FAM168A: variants seen among roughly 807,000 people sequenced by gnomAD.
FAM168A encodes the protein protein FAM168A.
FAM168A carries 3 observed loss-of-function variants against 28.5 expected under a neutral mutation model. The ratio of observed to expected loss-of-function variants is 0.11; its 90% CI spans 0.05 to 0.27. The LOEUF (loss-of-function observed/expected upper bound fraction) is 0.27, where lower values mean the gene tolerates loss of function less well. FAM168A is among the 10% of genes least tolerant of loss of function. FAM168A has a pLI of 1.00. For missense variants in FAM168A, 222 were observed against 311.5 expected, an observed-to-expected ratio of 0.71 and a Z score of 2.16; for synonymous variants, 122 against 124.2, an observed-to-expected ratio of 0.98 and a Z score of 0.12.
Position 73,508,509 on chromosome 11 carries a change from C to A in FAM168A, c.-18-40017G>T, listed in dbSNP as rs187366013. Among the ~76,000 whole-genome samples, 617 of 152,224 alleles carry A rather than the reference C, an allele frequency of 4.1e-3. 4 individuals are homozygous for A. Among genetic ancestry groups the A allele is most frequent in the Non-Finnish European group, 7.1e-3 (482 of 67,994 alleles). On this transcript the variant is annotated intron_variant, in intron 1 of 7. Coordinates refer to ENST00000356467, the MANE Select transcript of FAM168A (RefSeq NM_015159.3). ...CCACCAAGTCGGAACAAAATTGCTA[C>A]GTCTCCTACTTCTAGCCCTGCAGGT...
intron 3 of FAM168A, among the ~76,000 whole-genome samples, chr11:73,422,714 A>G (rs906853608): frequency 2.0e-5 from 3 of 152,260 alleles, no homozygotes; most frequent in African/African-American, 7.2e-5. Flanking sequence ...ATACATATGT[A>G]AAGACATTAT....
At chr11:73,458,183 C>A (rs943078798) in intron 2 of FAM168A, among the ~76,000 whole-genome samples, 1 of 152,134 alleles carries the variant, frequency 6.6e-6, no homozygotes, top group African/African-American at 2.4e-5. Flanking sequence ...TACAAATAAA[C>A]AACTTTTTGT....
intron 2 of FAM168A, among the ~76,000 whole-genome samples, chr11:73,460,305 T>A (rs904200677): frequency 6.6e-6 from 1 of 151,670 alleles, no homozygotes. Context: ...ATCACAGGAG[T>A]CTTTTCCTCA....
At chr11:73,494,778 T>C (rs1041507427) in intron 1 of FAM168A, among the ~76,000 whole-genome samples, 1 of 152,090 alleles carries the variant, frequency 6.6e-6, no homozygotes, top group Admixed American at 6.6e-5. Context: ...GGAGGGCGGA[T>C]TACTTGAAGT....
chr11:73,543,809 A>T (rs766348958), intron 1 of FAM168A, among the ~76,000 whole-genome samples: 12 of 152,144 alleles, frequency 7.9e-5, no homozygotes, highest in Non-Finnish European at 1.8e-4. Context: ...CATCTTAATA[A>T]AGAAGGATAT....
At chr11:73,433,615 T>A (rs1436146123) in intron 2 of FAM168A, among the ~76,000 whole-genome samples, 1 of 152,142 alleles carries the variant, frequency 6.6e-6, no homozygotes, top group Non-Finnish European at 1.5e-5. Flanking sequence ...ACTTTAACAT[T>A]ATAAACAATT....
chr11:73,575,867 CAA>C (rs11292947), intron 1 of FAM168A, among the ~76,000 whole-genome samples: 3 of 141,870 alleles, frequency 2.1e-5, no homozygotes, highest in Admixed American at 7.1e-5. Context: ...CAAACTATGT[CAA>C]AAAAAAAAAA....
chr11:73,490,977 G>A (rs1208657700), intron 1 of FAM168A, among the ~76,000 whole-genome samples: 1 of 152,134 alleles, frequency 6.6e-6, no homozygotes, highest in Non-Finnish European at 1.5e-5. Context: ...AATAATTTGA[G>A]AGGTGCCCCT....
intron 1 of FAM168A, among the ~76,000 whole-genome samples, chr11:73,522,381 G>A (rs187627628): frequency 1.1e-3 from 166 of 152,134 alleles, no homozygotes; most frequent in Admixed American, 2.3e-3. Flanking sequence ...GTGCAGTGGT[G>A]CGATCTCGGC....
chr11:73,451,630 T>C (rs115025250), intron 2 of FAM168A, among the ~76,000 whole-genome samples: 2,087 of 152,348 alleles, frequency 0.014, 44 homozygotes, highest in African/African-American at 0.045. Flanking sequence ...TTTCTATGTT[T>C]AGATACACAA....
chr11:73,504,253 G>A (rs189341555), intron 1 of FAM168A, among the ~76,000 whole-genome samples: 72 of 151,798 alleles, frequency 4.7e-4, no homozygotes, highest in Non-Finnish European at 8.2e-4. Context: ...GCAATCTACC[G>A]ATCTGATAAA....
intron 1 of FAM168A, among the ~76,000 whole-genome samples, chr11:73,560,391 G>A (rs1943944128): frequency 6.6e-6 from 1 of 152,080 alleles, no homozygotes; most frequent in Non-Finnish European, 1.5e-5. Flanking sequence ...GCTAAGGTGT[G>A]TGAAGATACC....
intron 2 of FAM168A, among the ~76,000 whole-genome samples, chr11:73,459,355 A>T: frequency 6.6e-6 from 1 of 151,812 alleles, no homozygotes; most frequent in East Asian, 2.0e-4. Context: ...GCGTGGTGGC[A>T]TGCGCCTATA....
intron 1 of FAM168A, among the ~76,000 whole-genome samples, chr11:73,485,152 A>C (rs1022262299): frequency 3.3e-5 from 5 of 152,184 alleles, no homozygotes; most frequent in Non-Finnish European, 7.3e-5. Flanking sequence ...AACAACCATC[A>C]TGTTGTTAAA....
chr11:73,513,477 A>T (rs1855270196), intron 1 of FAM168A, among the ~76,000 whole-genome samples: 1 of 151,774 alleles, frequency 6.6e-6, no homozygotes, highest in Non-Finnish European at 1.5e-5. Context: ...TGGCCTCCCA[A>T]AGTGCTGGGA....
chr11:73,417,881 A>G (rs1213760004), intron 4 of FAM168A, among the ~76,000 whole-genome samples: 1 of 152,104 alleles, frequency 6.6e-6, no homozygotes, highest in Admixed American at 6.6e-5. Context: ...CTTAAAGAGT[A>G]AAATCAATCT....
At chr11:73,444,416 T>G (rs866984842) in intron 2 of FAM168A, among the ~76,000 whole-genome samples, 1 of 152,224 alleles carries the variant, frequency 6.6e-6, no homozygotes, top group Non-Finnish European at 1.5e-5. Context: ...GGCCTATTAT[T>G]GTTTGACCAA....
At chr11:73,586,898 T>C (rs746920886) in intron 1 of FAM168A, among the ~76,000 whole-genome samples, 2 of 152,112 alleles carry the variant, frequency 1.3e-5, no homozygotes, top group Non-Finnish European at 2.9e-5. Flanking sequence ...TTTTCTAACA[T>C]CCTGACAAAA....
In FAM168A at chr11:73,445,426, T is replaced by C. The variant is rs1048298534; in HGVS notation, c.71-14656A>G. Among the ~76,000 whole-genome samples the C allele has an allele frequency of 4.0e-4, 41 of 102,616 alleles. 1 individual carries two copies. The highest frequency in any genetic ancestry group is 2.3e-3 in the African/African-American group (40 of 17,502). 67.3% of individuals were successfully genotyped at this position (102,616 alleles called of 152,430 possible). ...ATATATGTAAAAATGTCTCTTTTTT[T>C]TTTTTTTTTTTTTTTTTTTTTTTGG... is the stretch of plus-strand genomic sequence containing the variant. On this transcript the variant is annotated intron_variant, in intron 2 of 7. Coordinates refer to ENST00000356467, the MANE Select transcript of FAM168A (RefSeq NM_015159.3).
Sources: allele counts gnomAD v4.1 joint callset (sites outside exome capture counted in the v4.1 genomes callset), GRCh38; gene constraint gnomAD v4.1.1; transcripts MANE v1.5; gene names NCBI Gene and HGNC (gene_info 2026-07-23, HGNC 2026-07-21).